CTNNA2: variants seen among roughly 807,000 people sequenced by gnomAD.
CTNNA2 encodes catenin alpha 2.
In CTNNA2, 42 loss-of-function variants were observed where a neutral mutation model predicts 101.0. That is an observed-to-expected ratio of 0.42 (90% CI 0.32 to 0.54). The LOEUF (loss-of-function observed/expected upper bound fraction) is 0.54, where lower values mean the gene tolerates loss of function less well. Among genes scored for constraint, CTNNA2 ranks in the 20% least tolerant of loss-of-function variants. The pLI is 0.14. For missense variants in CTNNA2, 871 were observed against 1,223.1 expected, an observed-to-expected ratio of 0.71 and a Z score of 4.29; for synonymous variants, 450 against 456.4, an observed-to-expected ratio of 0.99 and a Z score of 0.18.
intron 7 of CTNNA2, among the ~76,000 whole-genome samples, chr2:80,271,658 G>A (rs1673500249): frequency 6.6e-6 from 1 of 152,004 alleles, no homozygotes; most frequent in Non-Finnish European, 1.5e-5. Context: ...TCCTGACCTC[G>A]TGATCTACCT....
intron 6 of CTNNA2, among the ~76,000 whole-genome samples, chr2:79,897,046 AT>A (rs901059415): frequency 1.3e-5 from 2 of 152,006 alleles, no homozygotes; most frequent in Non-Finnish European, 2.9e-5. Flanking sequence ...GTGAGATTAT[AT>A]TTTTTTTACA....
chr2:79,444,499 C>G (rs1036318552), intron 4 of CTNNA2, among the ~76,000 whole-genome samples: 1 of 152,048 alleles, frequency 6.6e-6, no homozygotes, highest in African/African-American at 2.4e-5. Context: ...GACTTCCCTC[C>G]CCTTGGATAA....
chr2:79,251,784 G>A (rs1447486550), intron 2 of CTNNA2, among the ~76,000 whole-genome samples: 2 of 152,158 alleles, frequency 1.3e-5, no homozygotes, highest in East Asian at 3.9e-4. Flanking sequence ...GTGGCAGTCT[G>A]TAAGAGACAC....
intron 7 of CTNNA2, among the ~76,000 whole-genome samples, chr2:80,246,234 A>G (rs1671321914): frequency 6.6e-6 from 1 of 152,140 alleles, no homozygotes; most frequent in South Asian, 2.1e-4. Context: ...CAGTTTGTGA[A>G]TGGTCTCACA....
At chr2:80,085,232 G>T in intron 7 of CTNNA2, among the ~76,000 whole-genome samples, 1 of 152,062 alleles carries the variant, frequency 6.6e-6, no homozygotes, top group East Asian at 1.9e-4. Flanking sequence ...CAGTTGCTCA[G>T]TGTAGTCTTA....
chr2:79,705,758 G>C (rs1685314515), intron 2 of CTNNA2, among the ~76,000 whole-genome samples: 1 of 152,128 alleles, frequency 6.6e-6, no homozygotes, highest in Non-Finnish European at 1.5e-5. Context: ...ATAATACTTG[G>C]TACTGCATTG....
intron 3 of CTNNA2, among the ~76,000 whole-genome samples, chr2:79,343,816 G>C (rs1430114283): frequency 6.6e-6 from 1 of 151,856 alleles, no homozygotes; most frequent in East Asian, 1.9e-4. Context: ...TAACTCTTCA[G>C]CTATTCATCC....
chr2:79,749,034 C>T (rs1671830021), intron 3 of CTNNA2, among the ~76,000 whole-genome samples: 1 of 152,104 alleles, frequency 6.6e-6, no homozygotes, highest in South Asian at 2.1e-4. Context: ...AGAACCATAA[C>T]CATTTGTGAA....
chr2:79,432,672 C>T (rs999684524), intron 4 of CTNNA2, among the ~76,000 whole-genome samples: 1 of 152,158 alleles, frequency 6.6e-6, no homozygotes, highest in Non-Finnish European at 1.5e-5. Flanking sequence ...CCCCTCCCCA[C>T]CACTAGATTC....
chr2:80,344,372 T>G (rs1192566412), intron 7 of CTNNA2, among the ~76,000 whole-genome samples: 1 of 152,184 alleles, frequency 6.6e-6, no homozygotes, highest in Non-Finnish European at 1.5e-5. Context: ...ATCTTTTTGT[T>G]GCTGACTCCC....
At chr2:80,588,949 A>G (rs1424825211) in intron 14 of CTNNA2, among the ~76,000 whole-genome samples, 5 of 152,088 alleles carry the variant, frequency 3.3e-5, no homozygotes, top group African/African-American at 1.2e-4. Flanking sequence ...AAAGAGGTGC[A>G]TTCTTTCATC....
At chr2:79,616,573 A>G (rs1487939748) in intron 1 of CTNNA2, among the ~76,000 whole-genome samples, 1 of 152,200 alleles carries the variant, frequency 6.6e-6, no homozygotes, top group Non-Finnish European at 1.5e-5. Context: ...TGTAAAAACC[A>G]CAGCCACCCT....
chr2:79,965,848 A>AAAG (rs1280852417), intron 7 of CTNNA2, among the ~76,000 whole-genome samples: 5 of 149,300 alleles, frequency 3.3e-5, no homozygotes, highest in African/African-American at 1.2e-4. Flanking sequence ...AAAAAAAAAA[A>AAAG]AAGAAGAAAA....
intron 9 of CTNNA2, among the ~76,000 whole-genome samples, chr2:80,515,410 C>G (rs1465283701): frequency 6.6e-6 from 1 of 152,090 alleles, no homozygotes; most frequent in Admixed American, 6.6e-5. Flanking sequence ...CTTTTATTCC[C>G]TTGGATAGCT....
At chr2:80,165,667 A>T (rs1185491685) in intron 7 of CTNNA2, among the ~76,000 whole-genome samples, 1 of 152,098 alleles carries the variant, frequency 6.6e-6, no homozygotes, top group Non-Finnish European at 1.5e-5. Flanking sequence ...CTTAGTGGGG[A>T]TGACCGGATT....
At chr2:80,536,634 C>T (rs1005263268) in intron 9 of CTNNA2, among the ~76,000 whole-genome samples, 4 of 152,198 alleles carry the variant, frequency 2.6e-5, no homozygotes, top group Admixed American at 2.0e-4. Flanking sequence ...AAAATGTTCT[C>T]ATTTTTCTGA....
At chr2:80,252,575 T>C (rs1671850518) in intron 7 of CTNNA2, among the ~76,000 whole-genome samples, 1 of 152,200 alleles carries the variant, frequency 6.6e-6, no homozygotes, top group African/African-American at 2.4e-5. Context: ...TTAGGTGTTT[T>C]CTAAAACAGC....
chr2:79,813,992 C>T (rs1677252773), intron 3 of CTNNA2, among the ~76,000 whole-genome samples: 1 of 152,064 alleles, frequency 6.6e-6, no homozygotes, highest in African/African-American at 2.4e-5. Context: ...CAATCCTATA[C>T]CTTGGCTTGC....
chr2:79,288,211 C>T (rs1426758266), intron 2 of CTNNA2, among the ~76,000 whole-genome samples: 10 of 152,248 alleles, frequency 6.6e-5, no homozygotes, highest in East Asian at 1.9e-4. Context: ...CCATCTTCTG[C>T]GTCACTCACG....
Sources: gnomAD v4.1 joint callset for allele counts (sites outside exome capture counted in the v4.1 genomes callset) on GRCh38, gnomAD v4.1.1 for gene constraint, MANE v1.5 for transcripts, NCBI Gene and HGNC (gene_info 2026-07-23, HGNC 2026-07-21) for gene names.